ANKRD6: variants seen among roughly 807,000 people sequenced by gnomAD.
ANKRD6 encodes ankyrin repeat domain 6.
Under a neutral mutation model 82.3 loss-of-function variants are expected in ANKRD6, and 56 were observed. The observed-to-expected ratio is 0.68, with a 90% confidence interval of 0.55 to 0.85. ANKRD6 has a LOEUF of 0.85. Ranked by LOEUF, ANKRD6 falls within the 40% of genes least tolerant of loss-of-function variation. ANKRD6 has a pLI of 0.00. For synonymous variants in ANKRD6, 347 were observed against 352.1 expected (o/e 0.99, Z 0.16); for missense variants, 852 against 907.6 (o/e 0.94, Z 0.79).
At chr6:89,501,727 T>A (rs1409074479) in intron 1 of ANKRD6, among the ~76,000 whole-genome samples, 2 of 152,212 alleles carry the variant, frequency 1.3e-5, no homozygotes, top group Non-Finnish European at 2.9e-5. Context: ...TACTGTTTGT[T>A]ACACCAAAGT....
chr6:89,548,291 T>G (rs1206503095), intron 1 of ANKRD6, among the ~76,000 whole-genome samples: 1 of 152,202 alleles, frequency 6.6e-6, no homozygotes. Context: ...CACTATGTGG[T>G]GTTTTGTATC....
At chr6:89,608,662 T>C (rs1377670554) in intron 5 of ANKRD6, among the ~76,000 whole-genome samples, 4 of 152,044 alleles carry the variant, frequency 2.6e-5, no homozygotes, top group Non-Finnish European at 5.9e-5. Context: ...TACTTTTCCA[T>C]TGGTTCATTA....
intron 1 of ANKRD6, among the ~76,000 whole-genome samples, chr6:89,437,845 G>C (rs1004813688): frequency 6.6e-6 from 1 of 152,106 alleles, no homozygotes; most frequent in Non-Finnish European, 1.5e-5. Flanking sequence ...CCAGGCTAGA[G>C]TGCAGTGGTG....
intron 1 of ANKRD6, among the ~76,000 whole-genome samples, chr6:89,510,338 G>T (rs542445292): frequency 7.6e-4 from 115 of 151,542 alleles, no homozygotes; most frequent in African/African-American, 2.7e-3. Context: ...GTTTTAAGGG[G>T]CACATTAGCA....
chr6:89,536,979 A>C (rs1783912999), intron 1 of ANKRD6, among the ~76,000 whole-genome samples: 1 of 152,178 alleles, frequency 6.6e-6, no homozygotes, highest in Non-Finnish European at 1.5e-5. Context: ...ATGCCCAGTC[A>C]TAGCAGTTTT....
Position 89,511,950 on chromosome 6 carries a change from T to A in ANKRD6, c.-143-54884T>A, listed in dbSNP as rs1044234906. On this transcript the variant is annotated intron_variant, in intron 1 of 15. Transcript: ENST00000339746. ...TTAATTTTTAAAAACATTAAAAAAA[T>A]TTTTTTTTTGTAGAGACAAGGTCTC... is the stretch of plus-strand genomic sequence containing the variant. Among the ~76,000 whole-genome samples, 12 of 147,086 alleles carry A rather than the reference T, an allele frequency of 8.2e-5. No individual in the cohort carries two copies. The East Asian group carries it at 9.7e-4, about 12-fold the overall frequency.
At chr6:89,629,580 C>T (rs989348304) in intron 15 of ANKRD6, 4 of 326,246 alleles carry the variant, frequency 1.2e-5, no homozygotes, top group African/African-American at 8.5e-5. Flanking sequence ...AGGGCTCTTC[C>T]TCCCTTGCCT....
At chr6:89,531,801 T>A (rs1413021381) in intron 1 of ANKRD6, among the ~76,000 whole-genome samples, 1 of 152,190 alleles carries the variant, frequency 6.6e-6, no homozygotes, top group African/African-American at 2.4e-5. Context: ...AAAAGGCCAA[T>A]AGGTTGTGTG....
chr6:89,573,519 C>T (rs183612983), intron 2 of ANKRD6, among the ~76,000 whole-genome samples: 142 of 152,274 alleles, frequency 9.3e-4, no homozygotes, highest in African/African-American at 3.3e-3. Flanking sequence ...GCACAGTCAT[C>T]TTGAGAAGTC....
intron 2 of ANKRD6, among the ~76,000 whole-genome samples, chr6:89,592,711 C>G (rs1463413533): frequency 6.6e-6 from 1 of 152,152 alleles, no homozygotes; most frequent in Admixed American, 6.5e-5. Flanking sequence ...GTTCTGGGAG[C>G]TGGGAATTCC....
intron 1 of ANKRD6, among the ~76,000 whole-genome samples, chr6:89,500,138 T>C (rs763708238): frequency 9.9e-5 from 15 of 151,220 alleles, no homozygotes; most frequent in Non-Finnish European, 1.9e-4. Context: ...GTTGATGACC[T>C]TGATGCTTCT....
chr6:89,465,142 T>TG (rs1774685013), intron 1 of ANKRD6, among the ~76,000 whole-genome samples: 1 of 149,032 alleles, frequency 6.7e-6, no homozygotes, highest in African/African-American at 2.5e-5. Context: ...TTTTTTGAGA[T>TG]GGAGTCGTGC....
At chr6:89,481,846 T>G (rs1041556187) in intron 1 of ANKRD6, among the ~76,000 whole-genome samples, 5 of 152,154 alleles carry the variant, frequency 3.3e-5, no homozygotes, top group Non-Finnish European at 7.4e-5. Flanking sequence ...GTGCTGGTGA[T>G]TTGAGCATTC....
At chr6:89,573,646 G>A (rs1440961647) in intron 2 of ANKRD6, among the ~76,000 whole-genome samples, 1 of 152,188 alleles carries the variant, frequency 6.6e-6, no homozygotes, top group Non-Finnish European at 1.5e-5. Flanking sequence ...TAAATTTTTT[G>A]AGAGTCTGCA....
intron 3 of ANKRD6, 115 bp from the exon 4 acceptor site, chr6:89,602,914 C>T (rs574789243): frequency 2.6e-4 from 207 of 810,138 alleles, no homozygotes; most frequent in Non-Finnish European, 3.8e-4. Flanking sequence ...TGCGAATAAC[C>T]GCTCTGCTCT....
At chr6:89,578,897 A>G (rs537646127) in intron 2 of ANKRD6, among the ~76,000 whole-genome samples, 1 of 152,320 alleles carries the variant, frequency 6.6e-6, no homozygotes, top group East Asian at 1.9e-4. Flanking sequence ...TGAGGCCCAC[A>G]TGTAGGCACT....
chr6:89,506,712 A>G (rs1779908179), intron 1 of ANKRD6, among the ~76,000 whole-genome samples: 1 of 152,240 alleles, frequency 6.6e-6, no homozygotes, highest in South Asian at 2.1e-4. Context: ...CTTGCCAGCC[A>G]AAAGCTGCCC....
intron 1 of ANKRD6, among the ~76,000 whole-genome samples, chr6:89,444,480 T>G (rs1405806779): frequency 2.6e-5 from 4 of 152,220 alleles, no homozygotes; most frequent in Non-Finnish European, 5.9e-5. Context: ...CTTAAAACAT[T>G]TTTCATCTTT....
chr6:89,630,566 C>G lies in ANKRD6; in HGVS notation c.1746C>G (p.Asp582Glu). 1.9e-6 allele frequency: 3 copies of G among 1,613,942 alleles called. No homozygotes were observed. Among genetic ancestry groups the G allele is most frequent in the Non-Finnish European group, 2.5e-6 (3 of 1,179,828 alleles). Residue 582 changes from aspartate to glutamate, a missense_variant, in exon 16 of 16, where the codon GAC becomes GAG. Transcript: ENST00000339746. ...TCCAGCAGGAGCTGTCGTCTTCTGA[C>G]TGTACAGGCTCCCGACTGAGAAACG... ...QRLQQELSSS[D>E]CTGSRLRNVK... is the part of the protein sequence containing the mutation.
Sources: gnomAD v4.1 joint callset for allele counts (sites outside exome capture counted in the v4.1 genomes callset) on GRCh38, gnomAD v4.1.1 for gene constraint, MANE v1.5 for transcripts, NCBI Gene and HGNC (gene_info 2026-07-23, HGNC 2026-07-21) for gene names.